BRINP3: variants seen among roughly 807,000 people sequenced by gnomAD.
The protein encoded by BRINP3 is BMP/retinoic acid inducible neural specific 3, also known as BMP/retinoic acid-inducible neural-specific protein 3.
A neutral mutation model predicts 71.0 loss-of-function variants in BRINP3; 19 were observed. That is an observed-to-expected ratio of 0.27 (90% CI 0.19 to 0.39). BRINP3 has a LOEUF of 0.39. BRINP3 is among the 10% of genes least tolerant of loss of function. The probability of loss-of-function intolerance (pLI) is 1.00; values close to 1 mark genes in which losing one functional copy is unlikely to be tolerated. For synonymous variants in BRINP3, 380 were observed against 337.7 expected, an observed-to-expected ratio of 1.13 and a Z score of -1.37; for missense variants, 959 against 940.8, an observed-to-expected ratio of 1.02 and a Z score of -0.25.
chr1:190,314,023 A>G (rs1665715050), intron 2 of BRINP3, among the ~76,000 whole-genome samples: 2 of 152,058 alleles, frequency 1.3e-5, no homozygotes, highest in Admixed American at 6.6e-5. Context: ...GTCACCCAGC[A>G]CACTTAAGGG....
intron 2 of BRINP3, among the ~76,000 whole-genome samples, chr1:190,426,772 T>C (rs763243441): frequency 6.6e-6 from 1 of 151,932 alleles, no homozygotes; most frequent in Non-Finnish European, 1.5e-5. Flanking sequence ...ATTTAATTAA[T>C]TAATTAAAAA....
chr1:190,232,113 A>T (rs1435026308), intron 5 of BRINP3, among the ~76,000 whole-genome samples: 22 of 152,016 alleles, frequency 1.4e-4, no homozygotes, highest in Non-Finnish European at 2.5e-4. Flanking sequence ...GCAACTATCT[A>T]TATCTATTTA....
intron 2 of BRINP3, among the ~76,000 whole-genome samples, chr1:190,346,932 G>A (rs146670208): frequency 7.4e-4 from 113 of 152,068 alleles, no homozygotes; most frequent in African/African-American, 2.6e-3. Context: ...TGTTCTCTTA[G>A]TAACTAGTAC....
At chr1:190,381,046 T>C (rs1670515400) in intron 2 of BRINP3, among the ~76,000 whole-genome samples, 1 of 152,104 alleles carries the variant, frequency 6.6e-6, no homozygotes, top group East Asian at 1.9e-4. Flanking sequence ...CACTGATAAG[T>C]GATAGATTAA....
intron 4 of BRINP3, among the ~76,000 whole-genome samples, chr1:190,253,237 C>T (rs80204705): frequency 5.9e-5 from 9 of 151,944 alleles, no homozygotes; most frequent in Admixed American, 1.3e-4. Context: ...TCAATAAACA[C>T]GTGTGGATGT....
At chr1:190,363,166 C>T (rs1669260244) in intron 2 of BRINP3, among the ~76,000 whole-genome samples, 1 of 152,062 alleles carries the variant, frequency 6.6e-6, no homozygotes, top group Non-Finnish European at 1.5e-5. Flanking sequence ...CTACGAGTGG[C>T]CCTGGAGGAG....
At chr1:190,389,596 C>A (rs1442467590) in intron 2 of BRINP3, among the ~76,000 whole-genome samples, 1 of 151,660 alleles carries the variant, frequency 6.6e-6, no homozygotes, top group Non-Finnish European at 1.5e-5. Flanking sequence ...ATATTTCATG[C>A]ACTGGGAAAG....
At chr1:190,363,221 G>A (rs752574696) in intron 2 of BRINP3, among the ~76,000 whole-genome samples, 15 of 152,162 alleles carry the variant, frequency 9.9e-5, no homozygotes, top group South Asian at 2.1e-4. Context: ...AATGGAAACC[G>A]CAACTGCAAG....
At chr1:190,307,427 C>T (rs962545846) in intron 2 of BRINP3, among the ~76,000 whole-genome samples, 3 of 151,430 alleles carry the variant, frequency 2.0e-5, no homozygotes, top group Non-Finnish European at 4.4e-5. Flanking sequence ...CACCACCACA[C>T]CTGGCTAATT....
chr1:190,477,251 T>C (rs1168382289), intron 1 of BRINP3, among the ~76,000 whole-genome samples, 197 bp downstream of exon 1: 1 of 152,148 alleles, frequency 6.6e-6, no homozygotes, highest in African/African-American at 2.4e-5. Flanking sequence ...ATACATGGGA[T>C]ATTGGGGTAA....
chr1:190,228,895 T>C (rs1433006707), intron 5 of BRINP3, among the ~76,000 whole-genome samples: 5 of 151,942 alleles, frequency 3.3e-5, no homozygotes, highest in Admixed American at 6.6e-5. Flanking sequence ...CAAAGCTTAG[T>C]TTTGAGCCTA....
chr1:190,231,568 G>A (rs370671532), intron 5 of BRINP3, among the ~76,000 whole-genome samples: 1 of 151,516 alleles, frequency 6.6e-6, no homozygotes, highest in African/African-American at 2.4e-5. Context: ...TCACTCAGAG[G>A]CACCTTGTTT....
intron 7 of BRINP3, among the ~76,000 whole-genome samples, chr1:190,116,730 C>A (rs912644843): frequency 6.6e-6 from 1 of 151,906 alleles, no homozygotes; most frequent in Non-Finnish European, 1.5e-5. Context: ...GGAATAGTTA[C>A]CTGAAGATAA....
At chr1:190,271,963 T>C (rs1252353098) in intron 3 of BRINP3, among the ~76,000 whole-genome samples, 1 of 151,586 alleles carries the variant, frequency 6.6e-6, no homozygotes, top group Non-Finnish European at 1.5e-5. Flanking sequence ...CATTTTAGCA[T>C]AGTCCTTATT....
At chr1:190,327,342 A>C (rs865789578) in intron 2 of BRINP3, among the ~76,000 whole-genome samples, 1 of 136,616 alleles carries the variant, frequency 7.3e-6, no homozygotes, top group South Asian at 2.4e-4. Flanking sequence ...AAAAAAAAAA[A>C]AAAAAAAAGG....
At chr1:190,474,425 G>A (rs1230194012) in intron 1 of BRINP3, 3 of 152,582 alleles carry the variant, frequency 2.0e-5, no homozygotes. Context: ...ACTGCATGAT[G>A]ACAAACAAAT....
At chr1:190,345,485 A>G (rs1667956243) in intron 2 of BRINP3, among the ~76,000 whole-genome samples, 1 of 151,660 alleles carries the variant, frequency 6.6e-6, no homozygotes, top group Admixed American at 6.6e-5. Flanking sequence ...GCTTGGAAAT[A>G]CAATATTATT....
intron 7 of BRINP3, among the ~76,000 whole-genome samples, chr1:190,108,317 C>G (rs1652363699): frequency 6.6e-6 from 1 of 151,758 alleles, no homozygotes; most frequent in Non-Finnish European, 1.5e-5. Context: ...ACAAATGTTA[C>G]CTTTTATGAG....
chr1:190,343,931 A>G (rs1319571426), intron 2 of BRINP3, among the ~76,000 whole-genome samples: 1 of 151,724 alleles, frequency 6.6e-6, no homozygotes, highest in African/African-American at 2.4e-5. Flanking sequence ...CTTCTGAAGC[A>G]TTTTACTGTC....
Sources: gnomAD v4.1 joint callset for allele counts (sites outside exome capture counted in the v4.1 genomes callset) on GRCh38, gnomAD v4.1.1 for gene constraint, MANE v1.5 for transcripts, NCBI Gene and HGNC (gene_info 2026-07-23, HGNC 2026-07-21) for gene names.